RNF180: variants seen among roughly 807,000 people sequenced by gnomAD.
RNF180 encodes the protein E3 ubiquitin-protein ligase RNF180.
In RNF180, 38 loss-of-function variants were observed where a neutral mutation model predicts 59.2. The observed-to-expected ratio is 0.64, with a 90% confidence interval of 0.50 to 0.84. The LOEUF (loss-of-function observed/expected upper bound fraction) is 0.84, where lower values mean the gene tolerates loss of function less well. Among genes scored for constraint, RNF180 ranks in the 40% least tolerant of loss-of-function variants. RNF180 has a pLI of 0.00. For synonymous variants in RNF180, 262 were observed against 240.3 expected, an observed-to-expected ratio of 1.09 and a Z score of -0.84; for missense variants, 705 against 700.9, an observed-to-expected ratio of 1.01 and a Z score of -0.07.
intron 5 of RNF180, among the ~76,000 whole-genome samples, chr5:64,286,149 A>G (rs183936682): frequency 2.2e-4 from 33 of 152,294 alleles, no homozygotes; most frequent in African/African-American, 6.7e-4. Flanking sequence ...TCTAATCTGG[A>G]AGGTTTTGTA....
intron 5 of RNF180, among the ~76,000 whole-genome samples, chr5:64,233,577 A>G (rs764327518): frequency 1.3e-4 from 20 of 152,248 alleles, no homozygotes; most frequent in Admixed American, 3.9e-4. Context: ...AGAAGAAGCT[A>G]TAGACCAATG....
Position 64,213,665 on chromosome 5 carries a change from A to T in RNF180, c.339A>T (p.Val113=). Residue 113 remains valine (V), a synonymous_variant, in exon 4 of 8, where the codon GTA becomes GTT. Transcript: ENST00000389100. ...GTTCCTGTGGCCAGCTTGCAGCTGTACATCTCTCCAAGAGCCGGACTGATT... is the reference window on the plus strand; with the variant it reads ...GTTCCTGTGGCCAGCTTGCAGCTGTTCATCTCTCCAAGAGCCGGACTGATT... The part of the protein sequence containing the change: ...PKCSCGQLAA[V]HLSKSRTDYQ... The T allele has an allele frequency of 6.2e-7, 1 of 1,614,154 alleles. No individual in the cohort carries two copies.
chr5:64,361,204 C>T (rs555808186), intron 7 of RNF180, among the ~76,000 whole-genome samples: 5 of 151,478 alleles, frequency 3.3e-5, no homozygotes, highest in Non-Finnish European at 7.4e-5. Context: ...AGACCAATCT[C>T]CTTTTTAGCA....
In RNF180 at chr5:64,324,937, A is replaced by G. The variant is rs181789659; in HGVS notation, c.1228-249A>G. Among the ~76,000 whole-genome samples, 11 of 152,332 alleles carry G rather than the reference A, an allele frequency of 7.2e-5. No individual in the cohort carries two copies. The East Asian group carries it at 2.1e-3, about 29-fold the overall frequency. ...GTTGATTAAGCCAAAATACAGGTAT[A>G]CTTAATAGGTTTAGGTATATTTTAG... On this transcript the variant is annotated intron_variant, in intron 5 of 7. Transcript: ENST00000389100.
intron 7 of RNF180, among the ~76,000 whole-genome samples, chr5:64,349,403 C>T (rs1366102506): frequency 3.9e-5 from 5 of 128,828 alleles, no homozygotes; most frequent in Non-Finnish European, 6.5e-5. Flanking sequence ...ACAGGCTAGT[C>T]TTCTTTCTTT....
intron 5 of RNF180, among the ~76,000 whole-genome samples, chr5:64,289,009 A>G (rs1019824340): frequency 6.6e-5 from 10 of 152,156 alleles, no homozygotes; most frequent in African/African-American, 2.4e-4. Context: ...CCCATTCGGT[A>G]TGATACTGGA....
intron 1 of RNF180, among the ~76,000 whole-genome samples, chr5:64,187,055 C>T (rs1370869936): frequency 1.3e-5 from 2 of 152,242 alleles, no homozygotes; most frequent in African/African-American, 4.8e-5. Context: ...CTAATCAGAA[C>T]ACATGTCTGC....
intron 5 of RNF180, among the ~76,000 whole-genome samples, chr5:64,323,585 G>T (rs560073761): frequency 6.6e-6 from 1 of 152,124 alleles, no homozygotes; most frequent in South Asian, 2.1e-4. Context: ...AACACTTATA[G>T]TATGTTTTAT....
intron 5 of RNF180, among the ~76,000 whole-genome samples, chr5:64,240,419 A>T (rs6859762): frequency 0.018 from 2,777 of 152,308 alleles, 92 homozygotes; most frequent in African/African-American, 0.064. Flanking sequence ...TTTATAATAG[A>T]GTCTATGAAA....
At chr5:64,223,275 C>G (rs1344991971) in intron 5 of RNF180, among the ~76,000 whole-genome samples, 2 of 152,118 alleles carry the variant, frequency 1.3e-5, no homozygotes, top group Non-Finnish European at 2.9e-5. Flanking sequence ...CTTTAAGGAC[C>G]CTTGTGATTA....
At chr5:64,198,145 T>C (rs931013965) in intron 1 of RNF180, among the ~76,000 whole-genome samples, 2 of 152,202 alleles carry the variant, frequency 1.3e-5, no homozygotes, top group African/African-American at 4.8e-5. Context: ...TAACTCGGTA[T>C]ATTAAAAGTA....
intron 7 of RNF180, among the ~76,000 whole-genome samples, chr5:64,355,493 C>T (rs1024610416): frequency 1.3e-5 from 2 of 151,882 alleles, no homozygotes; most frequent in Non-Finnish European, 2.9e-5. Flanking sequence ...CTGCCCAAGG[C>T]CATCTACAGA....
intron 7 of RNF180, among the ~76,000 whole-genome samples, chr5:64,358,643 TA>T (rs1452585187): frequency 6.7e-6 from 1 of 150,202 alleles, no homozygotes; most frequent in African/African-American, 2.5e-5. Flanking sequence ...TTAAGAATTC[TA>T]TTTTTTTTTA....
chr5:64,313,445 A>G (rs1031919468), intron 5 of RNF180, among the ~76,000 whole-genome samples: 2 of 152,116 alleles, frequency 1.3e-5, no homozygotes, highest in Non-Finnish European at 2.9e-5. Flanking sequence ...GCTTAGAATA[A>G]TGGCTTCCAG....
At chr5:64,313,235 G>T (rs1342654191) in intron 5 of RNF180, among the ~76,000 whole-genome samples, 2 of 152,016 alleles carry the variant, frequency 1.3e-5, no homozygotes. Context: ...AGGTTTTGTT[G>T]TATAGATTAA....
At chr5:64,255,770 G>A (rs574440668) in intron 5 of RNF180, among the ~76,000 whole-genome samples, 5 of 152,166 alleles carry the variant, frequency 3.3e-5, no homozygotes, top group Non-Finnish European at 5.9e-5. Flanking sequence ...CTGAGGAATC[G>A]CCACACTGTC....
intron 1 of RNF180, among the ~76,000 whole-genome samples, chr5:64,184,735 T>G (rs1750789792): frequency 6.6e-6 from 1 of 152,172 alleles, no homozygotes; most frequent in South Asian, 2.1e-4. Flanking sequence ...GGTGATGCCT[T>G]TGGAACACCT....
chr5:64,287,351 T>C (rs185553966), intron 5 of RNF180, among the ~76,000 whole-genome samples: 37 of 152,284 alleles, frequency 2.4e-4, no homozygotes, highest in African/African-American at 8.7e-4. Context: ...AGCACAAATA[T>C]AGTTATTATT....
intron 1 of RNF180, among the ~76,000 whole-genome samples, chr5:64,194,406 G>A (rs1286321050): frequency 1.3e-5 from 2 of 152,130 alleles, no homozygotes; most frequent in African/African-American, 2.4e-5. Context: ...ATCTATCATT[G>A]TTGGACATTT....
Sources: allele counts gnomAD v4.1 joint callset (sites outside exome capture counted in the v4.1 genomes callset), GRCh38; gene constraint gnomAD v4.1.1; transcripts MANE v1.5; gene names NCBI Gene and HGNC (gene_info 2026-07-23, HGNC 2026-07-21).